The following PLCE1 variants were observed in gnomAD, a reference collection of about 807,000 sequenced individuals.
PLCE1 encodes the protein 1-phosphatidylinositol 4,5-bisphosphate phosphodiesterase epsilon-1.
Under a neutral mutation model 242.8 loss-of-function variants are expected in PLCE1, and 119 were observed. The ratio of observed to expected loss-of-function variants is 0.49; its 90% CI spans 0.42 to 0.57. The LOEUF (loss-of-function observed/expected upper bound fraction) is 0.57, where lower values mean the gene tolerates loss of function less well. Ranked by LOEUF, PLCE1 falls within the 20% of genes least tolerant of loss-of-function variation. The pLI is 0.00. For synonymous variants in PLCE1, 945 were observed against 1,017.4 expected (o/e 0.93, Z 1.35); for missense variants, 2,441 against 2,788.8 (o/e 0.88, Z 2.81).
At chr10:94,253,965 TCTTGTCTGCCTCCCTCCC>T (rs1242430297) in intron 9 of PLCE1, among the ~76,000 whole-genome samples, 29 of 152,192 alleles carry the variant, frequency 1.9e-4, no homozygotes, top group Non-Finnish European at 3.8e-4. Context: ...CTGTGCCGCC[TCTTGTCTGCCTCCCTCCC>T]CTGAGGAGTA....
At chr10:94,122,056 C>T (rs1423907308) in intron 2 of PLCE1, among the ~76,000 whole-genome samples, 3 of 152,200 alleles carry the variant, frequency 2.0e-5, no homozygotes, top group African/African-American at 7.2e-5. Context: ...GTCCCCTCCA[C>T]CTGTTGGGGA....
At chr10:94,248,765 T>C (rs915103011) in intron 8 of PLCE1, among the ~76,000 whole-genome samples, 2 of 152,142 alleles carry the variant, frequency 1.3e-5, no homozygotes, top group Admixed American at 6.5e-5. Context: ...TCATCAAATA[T>C]GGACATAGAC....
chr10:94,071,255 C>T (rs1052508127), intron 2 of PLCE1, among the ~76,000 whole-genome samples: 11 of 152,204 alleles, frequency 7.2e-5, no homozygotes, highest in Admixed American at 6.5e-4. Context: ...CCTCTCACAC[C>T]ATCCTGGCTA....
chr10:94,269,009 T>TA lies in PLCE1; in HGVS notation c.4363dup (p.Thr1455AsnfsTer13), dbSNP rs2133104138. 1 of 1,599,024 alleles carries TA rather than the reference T, an allele frequency of 6.3e-7. No individual in the cohort carries two copies. The highest frequency in any genetic ancestry group is 8.6e-7 in the Non-Finnish European group (1 of 1,168,524). On this transcript the variant is annotated frameshift_variant, in exon 17 of 33. Coordinates refer to ENST00000371380, the MANE Select transcript of PLCE1 (RefSeq NM_016341.4). LOFTEE classifies it high-confidence loss of function. ...GGATGCCCATCATTTATCATGGACA[T>TA]ACGCTGACAACCAAGATCCCCTTCA... is the stretch of plus-strand genomic sequence containing the variant.
chr10:94,011,297 T>A (rs1477677634), intron 1 of PLCE1, among the ~76,000 whole-genome samples: 1 of 152,122 alleles, frequency 6.6e-6, no homozygotes, highest in Non-Finnish European at 1.5e-5. Flanking sequence ...AGATCTTGTG[T>A]GAACTAACTG....
intron 5 of PLCE1, among the ~76,000 whole-genome samples, chr10:94,230,299 A>G (rs776442683): frequency 1.5e-4 from 23 of 152,234 alleles, no homozygotes; most frequent in Non-Finnish European, 2.9e-4. Context: ...GGAATATTAT[A>G]TAGCCATCAA....
Position 94,229,023 on chromosome 10 carries a change from A to G in PLCE1, c.1955+1572A>G, listed in dbSNP as rs879344499. Among the ~76,000 whole-genome samples the G allele has an allele frequency of 3.3e-5, 5 of 152,148 alleles. 1 individual carries two copies. Among genetic ancestry groups the G allele is most frequent in the African/African-American group, 1.2e-4 (5 of 41,506 alleles). Reference sequence around the variant, plus strand: ...ATGGTAAAACCCCATCTCTACTAAAAATACAAAAATTAGCTGGGCATGGTG... The same window carrying G: ...ATGGTAAAACCCCATCTCTACTAAAGATACAAAAATTAGCTGGGCATGGTG... On this transcript the variant is annotated intron_variant, in intron 5 of 32. Coordinates refer to ENST00000371380, the MANE Select transcript of PLCE1 (RefSeq NM_016341.4).
At chr10:94,226,262 C>T (rs1306346074) in intron 4 of PLCE1, among the ~76,000 whole-genome samples, 1 of 152,198 alleles carries the variant, frequency 6.6e-6, no homozygotes, top group African/African-American at 2.4e-5. Context: ...TAACTTTAAG[C>T]CCAGAACTGA....
intron 3 of PLCE1, among the ~76,000 whole-genome samples, chr10:94,153,573 T>C (rs1016738727): frequency 6.6e-6 from 1 of 151,926 alleles, no homozygotes; most frequent in Admixed American, 6.6e-5. Flanking sequence ...ATAAAAGGCA[T>C]CCAGATAGGA....
At chr10:94,080,650 GC>G (rs2044628911) in intron 2 of PLCE1, among the ~76,000 whole-genome samples, 1 of 152,094 alleles carries the variant, frequency 6.6e-6, no homozygotes, top group African/African-American at 2.4e-5. Flanking sequence ...CTTTTCACTG[GC>G]CCCCTTCACC....
At chr10:94,110,344 G>GAGCC (rs1355354536) in intron 2 of PLCE1, among the ~76,000 whole-genome samples, 3 of 152,068 alleles carry the variant, frequency 2.0e-5, no homozygotes, top group African/African-American at 7.2e-5. Flanking sequence ...TTACAGCTGT[G>GAGCC]AGCCACCGTG....
chr10:94,204,056 T>C (rs1451696747), intron 4 of PLCE1, among the ~76,000 whole-genome samples: 1 of 152,110 alleles, frequency 6.6e-6, no homozygotes, highest in Non-Finnish European at 1.5e-5. Flanking sequence ...TGTCTCTTCG[T>C]ATTTGCAAAA....
chr10:94,257,701 C>T (rs886261528), intron 11 of PLCE1, among the ~76,000 whole-genome samples: 4 of 152,148 alleles, frequency 2.6e-5, no homozygotes, highest in Admixed American at 1.3e-4. Flanking sequence ...TGTTCTCACT[C>T]ATAGGTAGGA....
intron 20 of PLCE1, 95 bp downstream of exon 20, chr10:94,280,006 A>T: frequency 1.6e-6 from 2 of 1,236,062 alleles, no homozygotes; most frequent in Non-Finnish European, 2.4e-6. Context: ...GCCAAAGACC[A>T]GTAATACGGA....
At chr10:94,002,316 T>G (rs763143422) in intron 1 of PLCE1, among the ~76,000 whole-genome samples, 21 of 152,174 alleles carry the variant, frequency 1.4e-4, no homozygotes, top group Non-Finnish European at 3.1e-4. Flanking sequence ...TGGCTGAGAA[T>G]GGTCCGGGCG....
chr10:94,053,998 T>C (rs986375974), intron 2 of PLCE1, among the ~76,000 whole-genome samples: 2 of 152,050 alleles, frequency 1.3e-5, no homozygotes, highest in Non-Finnish European at 2.9e-5. Context: ...GCAGTAAGAG[T>C]GTCAGTAGAA....
chr10:94,180,631 C>T (rs1327864082), intron 4 of PLCE1, among the ~76,000 whole-genome samples: 1 of 152,180 alleles, frequency 6.6e-6, no homozygotes, highest in East Asian at 1.9e-4. Flanking sequence ...AAACCCACAC[C>T]CTTAGCGGTG....
At chr10:94,226,412 C>G (rs2137159961) in intron 4 of PLCE1, among the ~76,000 whole-genome samples, 1 of 152,214 alleles carries the variant, frequency 6.6e-6, no homozygotes, top group Admixed American at 6.5e-5. Flanking sequence ...TCCCTGAGGA[C>G]AGTAACAGTC....
intron 2 of PLCE1, among the ~76,000 whole-genome samples, chr10:94,094,194 G>A (rs182448842): frequency 6.6e-6 from 1 of 151,964 alleles, no homozygotes; most frequent in Admixed American, 6.5e-5. Flanking sequence ...GCCCGCCTCG[G>A]CCTCCCAAAG....
Sources: gnomAD v4.1 joint callset for allele counts (sites outside exome capture counted in the v4.1 genomes callset) on GRCh38, gnomAD v4.1.1 for gene constraint, MANE v1.5 for transcripts, NCBI Gene and HGNC (gene_info 2026-07-23, HGNC 2026-07-21) for gene names.